Variants in TTC7B observed in about 807,000 individuals in gnomAD.
TTC7B encodes the protein tetratricopeptide repeat domain 7B, also known as tetratricopeptide repeat protein 7B.
A neutral mutation model predicts 106.8 loss-of-function variants in TTC7B; 28 were observed. That is an observed-to-expected ratio of 0.26 (90% CI 0.19 to 0.36). The LOEUF is 0.36. Among genes scored for constraint, TTC7B ranks in the 10% least tolerant of loss-of-function variants. TTC7B has a pLI of 1.00. For missense variants in TTC7B, 862 were observed against 1,076.4 expected, an observed-to-expected ratio of 0.80 and a Z score of 2.79; for synonymous variants, 405 against 430.6, an observed-to-expected ratio of 0.94 and a Z score of 0.74.
chr14:90,618,682 T>A (rs1006890861), intron 15 of TTC7B, among the ~76,000 whole-genome samples: 2 of 152,230 alleles, frequency 1.3e-5, no homozygotes, highest in South Asian at 2.1e-4. Context: ...AAGCTCAGAA[T>A]GTTCTCTCTT....
rs2140060440 is a variant in TTC7B, at chr14:90,805,044, A to G, written c.121+11131T>C. Among the ~76,000 whole-genome samples, 1 of 152,258 alleles carries G rather than the reference A, an allele frequency of 6.6e-6. No homozygotes were observed. The highest frequency in any genetic ancestry group is 1.9e-4 in the East Asian group (1 of 5,160). ...GACTCACCCGGAGCCCCAGGCAGGCAGGGCTACACAGCCACCCTGGAGATG... is the reference window on the plus strand; with the variant it reads ...GACTCACCCGGAGCCCCAGGCAGGCGGGGCTACACAGCCACCCTGGAGATG... On this transcript the variant is annotated intron_variant, in intron 1 of 19. Transcript: ENST00000328459. The surrounding 1 kb of genome is among the most constrained non-coding windows in gnomAD (Gnocchi z 4.0).
chr14:90,701,778 GTATA>G (rs1351585849), intron 5 of TTC7B, among the ~76,000 whole-genome samples: 1 of 123,260 alleles, frequency 8.1e-6, no homozygotes, highest in Non-Finnish European at 1.6e-5. Flanking sequence ...GTGTATATAT[GTATA>G]TGTGTGTGTG....
At position 90,802,104 on chromosome 14, in the gene TTC7B, A is replaced by C. The variant is rs971842931; in HGVS notation, c.121+14071T>G. On this transcript the variant is annotated intron_variant, in intron 1 of 19. Transcript: ENST00000328459. This position sits in a 1 kb window ranked among gnomAD's most constrained non-coding sequence, Gnocchi z 4.7. ...AAAAAGAAAGAAAGAAAGCAGCTGGAACATCAAGTGTAAGATCACAGACTA... is the reference window on the plus strand; with the variant it reads ...AAAAAGAAAGAAAGAAAGCAGCTGGCACATCAAGTGTAAGATCACAGACTA... Among the ~76,000 whole-genome samples, 2 of 151,906 alleles carry C rather than the reference A, an allele frequency of 1.3e-5. No individual in the cohort carries two copies. The highest frequency in any genetic ancestry group is 4.8e-5 in the African/African-American group (2 of 41,356).
At chr14:90,548,213 C>T (rs1296378785) in intron 19 of TTC7B, among the ~76,000 whole-genome samples, 1 of 152,182 alleles carries the variant, frequency 6.6e-6, no homozygotes, top group Non-Finnish European at 1.5e-5. Flanking sequence ...ACATCACAGC[C>T]GGCCTGGATT....
chr14:90,713,211 G>A (rs1397612901), intron 5 of TTC7B, among the ~76,000 whole-genome samples: 1 of 152,120 alleles, frequency 6.6e-6, no homozygotes, highest in Non-Finnish European at 1.5e-5. Context: ...CACCTCCCAG[G>A]TTCAAGCAAT....
At chr14:90,724,445 G>A (rs1025029944) in intron 5 of TTC7B, among the ~76,000 whole-genome samples, 4 of 152,062 alleles carry the variant, frequency 2.6e-5, no homozygotes, top group Non-Finnish European at 4.4e-5. Context: ...GGCCTGGTAG[G>A]GGGTGACTGG....
At chr14:90,635,148 A>G (rs1009944693) in intron 15 of TTC7B, among the ~76,000 whole-genome samples, 6 of 152,178 alleles carry the variant, frequency 3.9e-5, no homozygotes, top group African/African-American at 1.4e-4. Flanking sequence ...TTGGACAGCA[A>G]TGCCAAGTAC....
rs772771661 is a variant in TTC7B at position 90,657,183 on chromosome 14, G to A, written c.1332C>T (p.Ser444=). The A allele has an allele frequency of 8.7e-6, 14 of 1,614,032 alleles. No homozygotes were observed. The East Asian group carries it at 2.7e-4, about 31-fold the overall frequency. The change falls in exon 11 of 20, where the codon TCC becomes TCT. Residue 444 remains serine, a synonymous_variant. Transcript: ENST00000328459. The surrounding 1 kb of genome is among the most constrained non-coding windows in gnomAD (Gnocchi z 4.2). Reference sequence around the variant, plus strand: ...GGGCGCCCCTACTCACCCAGTGCAGGGAGCCCATGCAGAGCTTGGCAGCGA... The same window carrying A: ...GGGCGCCCCTACTCACCCAGTGCAGAGAGCCCATGCAGAGCTTGGCAGCGA... ...PLLAAKLCMG[S]LHWLEEAEKF... is the part of the protein sequence containing the mutation.
chr14:90,718,475 G>C lies in TTC7B; in HGVS notation c.698+11600C>G, dbSNP rs1595313591. On this transcript the variant is annotated intron_variant, in intron 5 of 19. Transcript: ENST00000328459. Reference sequence around the variant, plus strand: ...TGTGTTATTTCTTGCTAAGGTCAAGGAAATTGTTTGATGCCTGGCACTCAC... The same window carrying C: ...TGTGTTATTTCTTGCTAAGGTCAAGCAAATTGTTTGATGCCTGGCACTCAC... Among the ~76,000 whole-genome samples, 8 of 152,290 alleles carry C rather than the reference G, an allele frequency of 5.3e-5. No homozygotes were observed. The South Asian group carries it at 1.7e-3, about 32-fold the overall frequency.
chr14:90,691,222 A>C (rs1339482788), intron 6 of TTC7B, among the ~76,000 whole-genome samples: 1 of 152,156 alleles, frequency 6.6e-6, no homozygotes, highest in Non-Finnish European at 1.5e-5. Flanking sequence ...TTCTGAATAC[A>C]TTTGCCATGG....
chr14:90,582,163 C>T lies in TTC7B; in HGVS notation c.2108-3855G>A, dbSNP rs1891521454. 2.0e-5 allele frequency among the ~76,000 whole-genome samples: 3 copies of T among 152,248 alleles called. No individual in the cohort carries two copies. The South Asian group carries it at 6.2e-4, about 31-fold the overall frequency. ...TGTTTCTTCCAAAGGGATCTTACCC[C>T]AGGATACAAAAGACTCCTGAGAGTG... On this transcript the variant is annotated intron_variant, in intron 18 of 19. Coordinates refer to ENST00000328459, the MANE Select transcript of TTC7B (RefSeq NM_001010854.2).
At chr14:90,654,944 G>A (rs1885883201) in intron 12 of TTC7B, 49 bp downstream of exon 12, 4 of 1,382,782 alleles carry the variant, frequency 2.9e-6, no homozygotes, top group Non-Finnish European at 4.1e-6. Flanking sequence ...GTAGACTTAG[G>A]TAGTCCAGCC....
Position 90,578,473 on chromosome 14 carries a change from C to T in TTC7B, c.2108-165G>A, listed in dbSNP as rs1017095430. Among the ~76,000 whole-genome samples the T allele has an allele frequency of 5.9e-5, 9 of 152,130 alleles. No homozygotes were observed. The highest frequency in any genetic ancestry group is 2.2e-4 in the African/African-American group (9 of 41,446). ...CAGCTGCCGCTGACAGTCCCTCCTG[C>T]CCACTCCTATATGGGGACTGGAGTC... On this transcript the variant is annotated intron_variant, in intron 18 of 19. Coordinates refer to ENST00000328459, the MANE Select transcript of TTC7B (RefSeq NM_001010854.2). The surrounding 1 kb of genome is among the most constrained non-coding windows in gnomAD (Gnocchi z 4.7).
At chr14:90,746,079 A>G (rs1004576983) in intron 3 of TTC7B, among the ~76,000 whole-genome samples, 2 of 152,138 alleles carry the variant, frequency 1.3e-5, no homozygotes, top group African/African-American at 4.8e-5. Context: ...TGGTTTTGAT[A>G]TTAGGTAAAT....
intron 3 of TTC7B, among the ~76,000 whole-genome samples, chr14:90,767,797 A>G (rs1358926092): frequency 2.0e-5 from 3 of 152,202 alleles, no homozygotes; most frequent in Non-Finnish European, 4.4e-5. Context: ...GAACTAACAT[A>G]TGTATTGTGG....
chr14:90,723,484 C>T (rs1171942766), intron 5 of TTC7B, among the ~76,000 whole-genome samples: 1 of 152,204 alleles, frequency 6.6e-6, no homozygotes, highest in Non-Finnish European at 1.5e-5. Flanking sequence ...TGTGACCCTC[C>T]TCCTTCCAAT....
Position 90,699,744 on chromosome 14 carries a change from AATGCTG to A in TTC7B, c.699-4172_699-4167del, listed in dbSNP as rs564184363. ...TCTTCTCACCAACCAGCACTCCTGA[AATGCTG>A]AAGCACTAGGTTACTTCCACAATGA... is the stretch of plus-strand genomic sequence containing the variant. On this transcript the variant is annotated intron_variant, in intron 5 of 19. Transcript: ENST00000328459. Among the ~76,000 whole-genome samples, 72 of 152,322 alleles carry A rather than the reference AATGCTG, an allele frequency of 4.7e-4. 1 individual carries two copies. The highest frequency in any genetic ancestry group is 3.9e-3 in the South Asian group (19 of 4,826).
intron 17 of TTC7B, 63 bp from the exon 18 acceptor site, chr14:90,593,689 C>T: frequency 1.4e-6 from 2 of 1,464,422 alleles, no homozygotes; most frequent in Non-Finnish European, 1.8e-6. Context: ...CAATCAACCC[C>T]TTCCCACACA....
intron 3 of TTC7B, among the ~76,000 whole-genome samples, chr14:90,772,238 C>G (rs1416122159): frequency 2.0e-5 from 3 of 151,986 alleles, no homozygotes; most frequent in Admixed American, 6.6e-5. Flanking sequence ...CAGGAAACCT[C>G]TCCTAGGGAA....
Sources: allele counts gnomAD v4.1 joint callset (sites outside exome capture counted in the v4.1 genomes callset), GRCh38; gene constraint gnomAD v4.1.1; non-coding constraint Gnocchi (gnomAD v3.1); transcripts MANE v1.5; gene names NCBI Gene and HGNC (gene_info 2026-07-23, HGNC 2026-07-21).